The following ADCY3 variants were observed in gnomAD, a reference collection of about 807,000 sequenced individuals.
ADCY3 encodes adenylate cyclase 3.
Under a neutral mutation model 119.4 loss-of-function variants are expected in ADCY3, and 70 were observed. The ratio of observed to expected loss-of-function variants is 0.59; its 90% CI spans 0.48 to 0.72. ADCY3 has a LOEUF of 0.72. ADCY3 is among the 30% of genes least tolerant of loss of function. The probability of loss-of-function intolerance (pLI) is 0.00; values close to 1 mark genes in which losing one functional copy is unlikely to be tolerated. For missense variants in ADCY3, 1,238 were observed against 1,541.6 expected, an observed-to-expected ratio of 0.80 and a Z score of 3.30; for synonymous variants, 672 against 621.4, an observed-to-expected ratio of 1.08 and a Z score of -1.21.
rs1473148657 is a variant in ADCY3 at position 24,833,719 on chromosome 2, G to A, written c.1967+766C>T. 2.6e-5 allele frequency among the ~76,000 whole-genome samples: 4 copies of A among 152,336 alleles called. No individual in the cohort carries two copies. The South Asian group carries it at 6.2e-4, about 24-fold the overall frequency. On this transcript the variant is annotated intron_variant, in intron 11 of 21. Coordinates refer to ENST00000679454, the MANE Select transcript of ADCY3 (RefSeq NM_004036.5). ...AGCAGACAACCAATCAATACTTATG[G>A]AATGAGTGAATTTGAGCCTCACCAC...
chr2:24,856,925 A>G (rs895402526), intron 3 of ADCY3, among the ~76,000 whole-genome samples: 1 of 152,202 alleles, frequency 6.6e-6, no homozygotes, highest in Non-Finnish European at 1.5e-5. Flanking sequence ...GAGCTGCATA[A>G]CTGTAAAAGT....
chr2:24,822,592 G>A lies in ADCY3; in HGVS notation c.2922C>T (p.Ile974=). 4 of 1,614,100 alleles carry A rather than the reference G, an allele frequency of 2.5e-6. No homozygotes were observed. Among genetic ancestry groups the A allele is most frequent in the Non-Finnish European group, 3.4e-6 (4 of 1,180,012 alleles). ...CCATATACGTGCTGCCAATGGTTTTGATCTTGGTGATCACCCGGAACTTGG... is the reference window on the plus strand; with the variant it reads ...CCATATACGTGCTGCCAATGGTTTTAATCTTGGTGATCACCCGGAACTTGG... ...DNPKFRVITK[I]KTIGSTYMAA... Residue 974 remains isoleucine, a synonymous_variant, in exon 19 of 22, where the codon ATC becomes ATT. Coordinates refer to ENST00000679454, the MANE Select transcript of ADCY3 (RefSeq NM_004036.5).
intron 2 of ADCY3, among the ~76,000 whole-genome samples, chr2:24,875,696 C>T (rs1339570354): frequency 6.6e-6 from 1 of 152,228 alleles, no homozygotes; most frequent in East Asian, 1.9e-4. Flanking sequence ...GTTTCCTCAC[C>T]TGTATCCTCA....
rs1402520110 is a variant in ADCY3 at position 24,834,797 on chromosome 2, T to C, written c.1802A>G (p.Gln601Arg). ...NEALLERESA[Q>R]VVKKRNTFLL... ...GACGCTTCCGGGTGGCGCTTACACTTGGGCGGACTCTCGCTCAAGCAGGGC... is the reference window on the plus strand; with the variant it reads ...GACGCTTCCGGGTGGCGCTTACACTCGGGCGGACTCTCGCTCAAGCAGGGC... The change falls in exon 10 of 22, where the codon CAA (glutamine) becomes CGA (arginine). Residue 601 changes from glutamine to arginine, a missense_variant. Gln to Arg is a conservative substitution (Grantham distance 43, BLOSUM62 1). Transcript: ENST00000679454. The surrounding 1 kb of genome is among the most constrained non-coding windows in gnomAD (Gnocchi z 4.2). 1 of 1,613,252 alleles carries C rather than the reference T, an allele frequency of 6.2e-7. No homozygotes were observed.
chr2:24,893,247 T>A (rs1412851013), intron 2 of ADCY3, among the ~76,000 whole-genome samples: 1 of 152,164 alleles, frequency 6.6e-6, no homozygotes, highest in Non-Finnish European at 1.5e-5. Flanking sequence ...GGCTCATGCC[T>A]GTAGTCCCAG....
At chr2:24,830,672 C>T (rs1218003903) in intron 13 of ADCY3, 37 bp downstream of exon 13, 1 of 1,542,476 alleles carries the variant, frequency 6.5e-7, no homozygotes. Flanking sequence ...CCACTGAGAA[C>T]AGGGGCGTCC....
rs772168296 is a variant in ADCY3 at position 24,918,880 on chromosome 2, A to G, written c.108T>C (p.His36=). ...SDPDRGVGRT[H]EISVRNSGSC... ...AGCCCGAGTTCCGGACCGAGATTTC[A>G]TGGGTCCGGCCCACCCCGCGGTCAG... Residue 36 remains histidine (H), a synonymous_variant, in exon 2 of 22, where the codon CAT becomes CAC. Coordinates refer to ENST00000679454, the MANE Select transcript of ADCY3 (RefSeq NM_004036.5). This position sits in a 1 kb window ranked among gnomAD's most constrained non-coding sequence, Gnocchi z 5.4. 35 of 1,612,928 alleles carry G rather than the reference A, an allele frequency of 2.2e-5. 1 individual carries two copies. The South Asian group carries it at 3.5e-4, about 16-fold the overall frequency.
intron 3 of ADCY3, among the ~76,000 whole-genome samples, chr2:24,846,890 A>G (rs1671719091): frequency 2.0e-5 from 3 of 152,078 alleles, no homozygotes; most frequent in Admixed American, 2.0e-4. Context: ...CTTGCTTTTG[A>G]TTTTACAGGC....
At chr2:24,820,960 T>C (rs1667564596) in intron 20 of ADCY3, 112 bp from the exon 21 acceptor site, 3 of 1,446,754 alleles carry the variant, frequency 2.1e-6, no homozygotes, top group African/African-American at 1.4e-5. Context: ...TAACACATCA[T>C]TGTCCTCATT....
chr2:24,879,787 C>T (rs972370840), intron 2 of ADCY3, among the ~76,000 whole-genome samples: 9 of 152,166 alleles, frequency 5.9e-5, no homozygotes, highest in African/African-American at 1.2e-4. Flanking sequence ...TCCCTCAATA[C>T]GATCACCTTA....
chr2:24,874,694 G>A lies in ADCY3; in HGVS notation c.676-1975C>T, dbSNP rs552963427. Among the ~76,000 whole-genome samples, 4 of 152,290 alleles carry A rather than the reference G, an allele frequency of 2.6e-5. No homozygotes were observed. The South Asian group carries it at 8.3e-4, about 32-fold the overall frequency. Reference sequence around the variant, plus strand: ...AGGGCTGGAGGGAGCTTTGAGGGGAGCTGATTCTCAGCTCACCGGTGAAAC... The same window carrying A: ...AGGGCTGGAGGGAGCTTTGAGGGGAACTGATTCTCAGCTCACCGGTGAAAC... On this transcript the variant is annotated intron_variant, in intron 2 of 21. Coordinates refer to ENST00000679454, the MANE Select transcript of ADCY3 (RefSeq NM_004036.5).
chr2:24,883,680 C>T (rs1676682218), intron 2 of ADCY3, among the ~76,000 whole-genome samples: 1 of 152,206 alleles, frequency 6.6e-6, no homozygotes, highest in Non-Finnish European at 1.5e-5. Context: ...CTTTCTGAAA[C>T]TAACTTTAGA....
chr2:24,859,761 G>A lies in ADCY3; in HGVS notation c.825+12809C>T, dbSNP rs544153813. On this transcript the variant is annotated intron_variant, in intron 3 of 21. Transcript: ENST00000679454. ...TCCCTAGTAACAGGTGACCCTGCAC[G>A]TGGGTTAAAGCAGAAGGAGAGGTGG... Among the ~76,000 whole-genome samples, 6 of 152,302 alleles carry A rather than the reference G, an allele frequency of 3.9e-5. No homozygotes were observed. The South Asian group carries it at 8.3e-4, about 21-fold the overall frequency.
intron 3 of ADCY3, among the ~76,000 whole-genome samples, chr2:24,861,363 A>C (rs773453912): frequency 3.3e-5 from 5 of 151,958 alleles, no homozygotes; most frequent in Non-Finnish European, 7.4e-5. Context: ...TAGATTAACG[A>C]TTGTTTTTAT....
rs780019755 is a variant in ADCY3, at chr2:24,918,881, T to G, written c.107A>C (p.His36Pro). The G allele has an allele frequency of 3.5e-5, 56 of 1,612,864 alleles. No individual in the cohort carries two copies. Among genetic ancestry groups the G allele is most frequent in the Non-Finnish European group, 4.7e-5 (56 of 1,180,010 alleles). ...SDPDRGVGRT[H>P]EISVRNSGSC... ...GCCCGAGTTCCGGACCGAGATTTCA[T>G]GGGTCCGGCCCACCCCGCGGTCAGG... Residue 36 changes from histidine (H) to proline (P), a missense_variant, in exon 2 of 22, where the codon CAT (histidine) becomes CCT (proline). His to Pro is a moderately conservative substitution (Grantham distance 77, BLOSUM62 -2). Coordinates refer to ENST00000679454, the MANE Select transcript of ADCY3 (RefSeq NM_004036.5). This position sits in a 1 kb window ranked among gnomAD's most constrained non-coding sequence, Gnocchi z 5.4.
intron 19 of ADCY3, chr2:24,821,904 C>T (rs1195068533): frequency 7.1e-6 from 3 of 421,646 alleles, no homozygotes; most frequent in East Asian, 4.6e-5. Context: ...ACCCCTTCAC[C>T]TTGGCTGGGC....
At chr2:24,856,180 A>T (rs966282540) in intron 3 of ADCY3, among the ~76,000 whole-genome samples, 4 of 151,526 alleles carry the variant, frequency 2.6e-5, no homozygotes, top group East Asian at 1.9e-4. Context: ...GAATGTGGAG[A>T]GTGTGTGTGT....
At chr2:24,917,061 C>A (rs1440554489) in intron 2 of ADCY3, among the ~76,000 whole-genome samples, 1 of 152,224 alleles carries the variant, frequency 6.6e-6, no homozygotes, top group Non-Finnish European at 1.5e-5. Flanking sequence ...CATCCTCTAC[C>A]CATTTCTAGA....
In ADCY3 at chr2:24,919,083, G is replaced by C; in HGVS notation, c.-96C>G. The C allele has an allele frequency of 7.7e-7, 1 of 1,305,344 alleles. No homozygotes were observed. The highest frequency in any genetic ancestry group is 1.0e-6 in the Non-Finnish European group (1 of 977,184). 80.9% of individuals were successfully genotyped at this position (1,305,344 alleles called of 1,614,324 possible). ...CCTCTCAGGGCTCTCTGAGACCGGG[G>C]GAGGGCTGAGGGCCTCTTCTTGTCT... is the stretch of plus-strand genomic sequence containing the variant. On this transcript the variant is annotated 5_prime_UTR_variant, in exon 2 of 22. Coordinates refer to ENST00000679454, the MANE Select transcript of ADCY3 (RefSeq NM_004036.5). The surrounding 1 kb of genome is among the most constrained non-coding windows in gnomAD (Gnocchi z 5.5).
Sources: allele counts gnomAD v4.1 joint callset (sites outside exome capture counted in the v4.1 genomes callset), GRCh38; gene constraint gnomAD v4.1.1; non-coding constraint Gnocchi (gnomAD v3.1); transcripts MANE v1.5; gene names NCBI Gene and HGNC (gene_info 2026-07-23, HGNC 2026-07-21).